Variants in MYO1E observed in about 807,000 individuals in gnomAD.
The protein encoded by MYO1E is myosin IE.
Under a neutral mutation model 151.1 loss-of-function variants are expected in MYO1E, and 68 were observed. The ratio of observed to expected loss-of-function variants is 0.45; its 90% CI spans 0.37 to 0.55. The LOEUF (loss-of-function observed/expected upper bound fraction) is 0.55. MYO1E is among the 20% of genes least tolerant of loss of function. The pLI is 0.00. For synonymous variants in MYO1E, 601 were observed against 501.7 expected, an observed-to-expected ratio of 1.20 and a Z score of -2.64; for missense variants, 1,363 against 1,389.3, an observed-to-expected ratio of 0.98 and a Z score of 0.30.
At chr15:59,339,997 G>A (rs375118844) in intron 1 of MYO1E, among the ~76,000 whole-genome samples, 6 of 151,910 alleles carry the variant, frequency 3.9e-5, no homozygotes, top group Admixed American at 2.0e-4. Flanking sequence ...ACAGGTGTCC[G>A]CTACCACATC....
intron 12 of MYO1E, 62 bp from the exon 13 acceptor site, chr15:59,210,662 G>A: frequency 8.6e-7 from 1 of 1,162,958 alleles, no homozygotes; most frequent in Non-Finnish European, 1.3e-6. Context: ...TGCACGGACA[G>A]ACCCTGAATG....
chr15:59,275,551 A>C (rs2080313454), intron 1 of MYO1E, among the ~76,000 whole-genome samples: 1 of 152,138 alleles, frequency 6.6e-6, no homozygotes, highest in African/African-American at 2.4e-5. Flanking sequence ...AAAAAACTGT[A>C]AACTGCCCAA....
chr15:59,248,127 CAAAAAAAAAAAAAAA>C (rs138467126), intron 4 of MYO1E, among the ~76,000 whole-genome samples: 1 of 35,890 alleles, frequency 2.8e-5, no homozygotes, highest in Non-Finnish European at 4.9e-5. Context: ...GACTCCGTCT[CAAAAAAAAAAAAAAA>C]AAAAAAAAAA....
chr15:59,154,005 A>G (rs1383728394), intron 25 of MYO1E, among the ~76,000 whole-genome samples: 1 of 152,250 alleles, frequency 6.6e-6, no homozygotes, highest in Non-Finnish European at 1.5e-5. Flanking sequence ...TTACTGAGGT[A>G]TAACTGACAA....
chr15:59,365,833 T>C (rs1202737813), intron 1 of MYO1E, among the ~76,000 whole-genome samples: 6 of 152,196 alleles, frequency 3.9e-5, no homozygotes, highest in Admixed American at 6.5e-5. Flanking sequence ...GTGGGGCTAA[T>C]TGTTCCGCCT....
intron 5 of MYO1E, among the ~76,000 whole-genome samples, chr15:59,234,822 CAAAAAAA>C (rs3053017): frequency 2.0e-5 from 2 of 102,220 alleles, no homozygotes; most frequent in African/African-American, 4.1e-5. Flanking sequence ...GACCCCATCT[CAAAAAAA>C]AAAAAAAAAA....
In MYO1E at chr15:59,224,750, C is replaced by G. The variant is rs1406482506; in HGVS notation, c.716G>C (p.Ser239Thr). The change falls in exon 8 of 28, where the codon AGC becomes ACC. Residue 239 changes from serine (S) to threonine (T), a missense_variant. Transcript: ENST00000288235. ...ITSMDYYYYL[S>T]LSGSYKVDDI... ...ATCAACCTTGTATGAGCCCGAGAGG[C>G]TCAGGTAGTAATAATAGTCCATGCT... The G allele has an allele frequency of 5.0e-6, 8 of 1,614,094 alleles. No homozygotes were observed. The highest frequency in any genetic ancestry group is 6.8e-6 in the Non-Finnish European group (8 of 1,180,048).
At chr15:59,226,215 T>C (rs1383975361) in intron 7 of MYO1E, among the ~76,000 whole-genome samples, 2 of 152,252 alleles carry the variant, frequency 1.3e-5, no homozygotes, top group Admixed American at 6.5e-5. Flanking sequence ...ATCATTTATA[T>C]ACTTTTTCAA....
chr15:59,342,113 T>C (rs2080769159), intron 1 of MYO1E, among the ~76,000 whole-genome samples: 1 of 152,262 alleles, frequency 6.6e-6, no homozygotes, highest in Admixed American at 6.5e-5. Context: ...TTCATTGGCA[T>C]GTCTCTGATT....
chr15:59,173,689 TA>T, intron 21 of MYO1E, 56 bp downstream of exon 21: 1 of 1,594,248 alleles, frequency 6.3e-7, no homozygotes, highest in Admixed American at 1.7e-5. Flanking sequence ...AATAACAAGT[TA>T]TTAAAAAAAT....
chr15:59,149,272 G>A (rs2079462382), intron 26 of MYO1E, among the ~76,000 whole-genome samples: 1 of 152,034 alleles, frequency 6.6e-6, no homozygotes, highest in South Asian at 2.1e-4. Flanking sequence ...TAATCAGGAT[G>A]GTCTTGATCT....
At chr15:59,298,187 C>G (rs1472448850) in intron 1 of MYO1E, among the ~76,000 whole-genome samples, 1 of 152,158 alleles carries the variant, frequency 6.6e-6, no homozygotes, top group Non-Finnish European at 1.5e-5. Context: ...TGTTCCTCAT[C>G]AAACCTTAAG....
At chr15:59,356,161 C>T (rs1399964860) in intron 1 of MYO1E, among the ~76,000 whole-genome samples, 2 of 152,216 alleles carry the variant, frequency 1.3e-5, no homozygotes, top group Non-Finnish European at 2.9e-5. Flanking sequence ...ATAGCTGCTG[C>T]TGAGTGAAGA....
chr15:59,231,622 C>T, intron 6 of MYO1E, 80 bp downstream of exon 6: 2 of 1,433,510 alleles, frequency 1.4e-6, no homozygotes, highest in Non-Finnish European at 2.0e-6. Context: ...GCTCCCATTT[C>T]CTGTGGGATA....
chr15:59,351,604 G>T (rs1282630821), intron 1 of MYO1E, among the ~76,000 whole-genome samples: 1 of 152,180 alleles, frequency 6.6e-6, no homozygotes, highest in Non-Finnish European at 1.5e-5. Flanking sequence ...TGCTATTTCT[G>T]TGAATTACCG....
intron 5 of MYO1E, among the ~76,000 whole-genome samples, chr15:59,235,281 G>C (rs1455801675): frequency 6.6e-6 from 1 of 152,170 alleles, no homozygotes; most frequent in Non-Finnish European, 1.5e-5. Context: ...AGGAAGGGTA[G>C]GCCCTTCTCC....
rs545463274 is a variant in MYO1E, at chr15:59,259,474, C to T, written c.237+1946G>A. On this transcript the variant is annotated intron_variant, in intron 3 of 27. Coordinates refer to ENST00000288235, the MANE Select transcript of MYO1E (RefSeq NM_004998.4). The stretch of plus-strand genomic sequence containing the variant: ...AATTCCCCTCTTTAGGTCAGGTTCT[C>T]ACTTAGGTGAGAGTGTCACCAAAAC... 7.2e-5 allele frequency among the ~76,000 whole-genome samples: 11 copies of T among 152,310 alleles called. No individual in the cohort carries two copies. In the East Asian group the frequency reaches 2.1e-3, roughly 29 times the overall value.
At position 59,138,364 on chromosome 15, in the gene MYO1E, G is replaced by T. The variant is rs759129629; in HGVS notation, c.3084C>A (p.Val1028=). The T allele has an allele frequency of 1.5e-5, 24 of 1,613,858 alleles. No homozygotes were observed. The Admixed American group carries it at 2.0e-4, about 13-fold the overall frequency. Residue 1028 remains valine (V), a synonymous_variant, in exon 27 of 28, where the codon GTC becomes GTA. Transcript: ENST00000288235. ...LKVPDQGAAG[V]RRQTTSRPPP... The stretch of plus-strand genomic sequence containing the variant: ...GAGGCCGACTGGTTGTTTGTCTCCT[G>T]ACCCTGTGGAGAGAGTGGAGCAGAT...
At chr15:59,155,360 T>C (rs1204072879) in intron 25 of MYO1E, among the ~76,000 whole-genome samples, 1 of 152,260 alleles carries the variant, frequency 6.6e-6, no homozygotes, top group African/African-American at 2.4e-5. Flanking sequence ...TACTAATTCA[T>C]TTTTATTGTA....
Sources: allele counts gnomAD v4.1 joint callset (sites outside exome capture counted in the v4.1 genomes callset), GRCh38; gene constraint gnomAD v4.1.1; transcripts MANE v1.5; gene names NCBI Gene and HGNC (gene_info 2026-07-23, HGNC 2026-07-21).